The following STXBP4 variants were observed in gnomAD, a reference collection of about 807,000 sequenced individuals.
The protein encoded by STXBP4 is syntaxin binding protein 4.
A neutral mutation model predicts 76.1 loss-of-function variants in STXBP4; 55 were observed. The ratio of observed to expected loss-of-function variants is 0.72; its 90% CI spans 0.58 to 0.91. The LOEUF (loss-of-function observed/expected upper bound fraction) is 0.91. Ranked by LOEUF, STXBP4 falls within the 40% of genes least tolerant of loss-of-function variation. The probability of loss-of-function intolerance (pLI) is 0.00; values close to 1 mark genes in which losing one functional copy is unlikely to be tolerated. For missense variants in STXBP4, 618 were observed against 636.9 expected, an observed-to-expected ratio of 0.97 and a Z score of 0.32; for synonymous variants, 201 against 220.2, an observed-to-expected ratio of 0.91 and a Z score of 0.77.
chr17:55,009,847 C>T (rs1015661135), intron 8 of STXBP4, among the ~76,000 whole-genome samples: 25 of 151,876 alleles, frequency 1.6e-4, no homozygotes, highest in African/African-American at 6.0e-4. Context: ...ATTACTGATG[C>T]AATACAACAC....
chr17:55,067,948 T>C (rs2079073984), intron 12 of STXBP4, among the ~76,000 whole-genome samples: 1 of 152,020 alleles, frequency 6.6e-6, no homozygotes, highest in Admixed American at 6.6e-5. Context: ...ATGTCAGAGG[T>C]CTGTTAAAAA....
At chr17:55,007,324 A>C (rs2078027097) in intron 7 of STXBP4, among the ~76,000 whole-genome samples, 182 bp from the exon 8 acceptor site, 1 of 149,092 alleles carries the variant, frequency 6.7e-6, no homozygotes, top group Non-Finnish European at 1.5e-5. Context: ...ACAGAGTGAG[A>C]CTCTGTCCCC....
intron 16 of STXBP4, among the ~76,000 whole-genome samples, chr17:55,097,586 C>G (rs2079507447): frequency 6.6e-6 from 1 of 151,828 alleles, no homozygotes; most frequent in African/African-American, 2.4e-5. Flanking sequence ...TGGCATGAAC[C>G]CGGGAGGCGG....
chr17:55,154,911 A>G (rs2080260128), intron 17 of STXBP4, among the ~76,000 whole-genome samples: 1 of 152,078 alleles, frequency 6.6e-6, no homozygotes, highest in African/African-American at 2.4e-5. Flanking sequence ...GATTTTTAAC[A>G]GAAATTACCA....
At chr17:55,212,431 TTAAAAATGCCTAGCATAG>T in the STXBP4 span, among the ~76,000 whole-genome samples, 2 of 152,190 alleles carry the variant, frequency 1.3e-5, no homozygotes, top group Non-Finnish European at 2.9e-5. Flanking sequence ...GCGCTAAAAA[TTAAAAATGCCTAGCATAG>T]TGGCAGATAC....
chr17:55,018,067 C>G (rs142432660), intron 8 of STXBP4, among the ~76,000 whole-genome samples: 3 of 152,064 alleles, frequency 2.0e-5, no homozygotes, highest in Non-Finnish European at 4.4e-5. Flanking sequence ...TGGCAAGCCT[C>G]GTGTTCTCTG....
At chr17:55,076,497 C>T (rs2079183227) in intron 13 of STXBP4, among the ~76,000 whole-genome samples, 1 of 152,056 alleles carries the variant, frequency 6.6e-6, no homozygotes, top group South Asian at 2.1e-4. Context: ...TAATATCTTT[C>T]ACTGTTTTTA....
chr17:54,995,664 A>G (rs1221230024), intron 4 of STXBP4, among the ~76,000 whole-genome samples: 1 of 152,248 alleles, frequency 6.6e-6, no homozygotes, highest in Admixed American at 6.5e-5. Flanking sequence ...CATGCGGAGC[A>G]TAGCACTGGA....
chr17:55,001,704 C>G (rs2077919824), intron 7 of STXBP4, among the ~76,000 whole-genome samples: 1 of 152,076 alleles, frequency 6.6e-6, no homozygotes, highest in Non-Finnish European at 1.5e-5. Context: ...TGGATTCTTG[C>G]TCTGTCGAAG....
chr17:55,026,976 C>T (rs1443378743), intron 8 of STXBP4, among the ~76,000 whole-genome samples: 1 of 152,112 alleles, frequency 6.6e-6, no homozygotes, highest in East Asian at 1.9e-4. Flanking sequence ...TGACCTGGGG[C>T]AGTTTTGATT....
At chr17:55,137,419 T>C (rs1742069254) in intron 16 of STXBP4, among the ~76,000 whole-genome samples, 1 of 152,114 alleles carries the variant, frequency 6.6e-6, no homozygotes, top group African/African-American at 2.4e-5. Context: ...TTATAGTATA[T>C]TTAATCAGCC....
intron 3 of STXBP4, 58 bp from the exon 4 acceptor site, chr17:54,990,767 A>C: frequency 6.6e-7 from 1 of 1,512,312 alleles, no homozygotes; most frequent in Non-Finnish European, 8.8e-7. Flanking sequence ...TAGTTTAAAG[A>C]AAAAAATAGG....
In STXBP4 at chr17:55,161,145, A is replaced by T. The variant is rs1408692545; in HGVS notation, c.*1234A>T. ...TAAGTCTCCTAGTCTACTGAATTTCATATGGTGTATAATACAGATTTATAT... is the reference window on the plus strand; with the variant it reads ...TAAGTCTCCTAGTCTACTGAATTTCTTATGGTGTATAATACAGATTTATAT... On this transcript the variant is annotated 3_prime_UTR_variant, in exon 18 of 18. Transcript: ENST00000376352. 6.6e-6 allele frequency: 1 copy of T among 152,210 alleles called. No homozygotes were observed. The highest frequency in any genetic ancestry group is 2.4e-5 in the African/African-American group (1 of 41,452). The allele number at this position is 152,210 out of a possible 1,614,324, so 9.4% of individuals were successfully genotyped here.
At chr17:55,183,413 C>T in the STXBP4 span, among the ~76,000 whole-genome samples, 3,487 of 152,162 alleles carry the variant, frequency 0.023, 133 homozygotes, top group African/African-American at 0.079. Context: ...CAGCAAGACC[C>T]AGTCTCTATA....
chr17:55,100,175 T>A, intron 16 of STXBP4, among the ~76,000 whole-genome samples: 1 of 152,214 alleles, frequency 6.6e-6, no homozygotes, highest in East Asian at 1.9e-4. Flanking sequence ...TCTGCTGGAA[T>A]TGTATTTCTA....
chr17:55,008,772 G>C (rs1269450729), intron 8 of STXBP4, among the ~76,000 whole-genome samples: 1 of 152,088 alleles, frequency 6.6e-6, no homozygotes, highest in East Asian at 1.9e-4. Context: ...TCTGGAATGA[G>C]GGTCTTTTAA....
chr17:55,135,601 C>T (rs1311526993), intron 16 of STXBP4, among the ~76,000 whole-genome samples: 1 of 152,104 alleles, frequency 6.6e-6, no homozygotes, highest in African/African-American at 2.4e-5. Context: ...TCTCACTATA[C>T]TAGATTCCTT....
chr17:55,119,883 A>T (rs2079824891), intron 16 of STXBP4, among the ~76,000 whole-genome samples: 1 of 151,952 alleles, frequency 6.6e-6, no homozygotes, highest in Non-Finnish European at 1.5e-5. Context: ...GAGTCTTTGG[A>T]TATTTTGAAT....
intron 8 of STXBP4, among the ~76,000 whole-genome samples, chr17:55,026,493 T>G (rs923916415): frequency 2.6e-5 from 4 of 151,934 alleles, no homozygotes; most frequent in South Asian, 4.2e-4. Flanking sequence ...CCGAAACCCT[T>G]TGAAAGAAGC....
Sources: allele counts gnomAD v4.1 joint callset (sites outside exome capture counted in the v4.1 genomes callset), GRCh38; gene constraint gnomAD v4.1.1; transcripts MANE v1.5; gene names NCBI Gene and HGNC (gene_info 2026-07-23, HGNC 2026-07-21).